The following COL27A1 variants were observed in gnomAD, a reference collection of about 807,000 sequenced individuals.
COL27A1 encodes the protein collagen type XXVII alpha 1 chain.
A neutral mutation model predicts 251.3 loss-of-function variants in COL27A1; 106 were observed. The ratio of observed to expected loss-of-function variants is 0.42; its 90% CI spans 0.36 to 0.50. The LOEUF (loss-of-function observed/expected upper bound fraction) is 0.50. Ranked by LOEUF, COL27A1 falls within the 20% of genes least tolerant of loss-of-function variation. The pLI is 0.00. For missense variants in COL27A1, 2,325 were observed against 2,522.8 expected (o/e 0.92, Z 1.68); for synonymous variants, 1,000 against 986.3 (o/e 1.01, Z -0.26).
rs1001830014 is a variant in COL27A1, at chr9:114,290,421, T to A, written c.4368+90T>A. The A allele has an allele frequency of 9.5e-6, 11 of 1,162,922 alleles. No individual in the cohort carries two copies. The highest frequency in any genetic ancestry group is 1.3e-5 in the Non-Finnish European group (10 of 798,706). 72.0% of individuals were successfully genotyped at this position (1,162,922 alleles called of 1,614,324 possible). On this transcript the variant is annotated intron_variant, in intron 47 of 60. Coordinates refer to ENST00000356083, the MANE Select transcript of COL27A1 (RefSeq NM_032888.4). This position sits in a 1 kb window ranked among gnomAD's most constrained non-coding sequence, Gnocchi z 4.6. ...CAGGCCATGGGCCAGAGGAGCCCGT[T>A]TGGAAACTTGGATGGGCAGAACCAA...
chr9:114,184,926 C>G (rs1828221121), intron 5 of COL27A1, among the ~76,000 whole-genome samples: 1 of 152,138 alleles, frequency 6.6e-6, no homozygotes, highest in African/African-American at 2.4e-5. Context: ...CAGGCTTGCC[C>G]CTTCCTGGCC....
chr9:114,229,582 T>C (rs4979358), intron 14 of COL27A1, among the ~76,000 whole-genome samples: 96,754 of 152,080 alleles, frequency 0.64, 33,102 homozygotes, highest in South Asian at 0.84. Flanking sequence ...CAGGGGCCTC[T>C]GTAGAGCCTG....
At chr9:114,269,730 C>G (rs933804726) in intron 35 of COL27A1, among the ~76,000 whole-genome samples, 1 of 151,646 alleles carries the variant, frequency 6.6e-6, no homozygotes, top group African/African-American at 2.4e-5. Context: ...GCACTTTTCT[C>G]GAGGCACAAG....
intron 3 of COL27A1, among the ~76,000 whole-genome samples, chr9:114,176,961 C>T (rs1827506906): frequency 6.6e-6 from 1 of 152,226 alleles, no homozygotes; most frequent in Admixed American, 6.5e-5. Flanking sequence ...CCGATTTTAA[C>T]TCTGGGCAGG....
chr9:114,238,153 T>C (rs1367669387), intron 19 of COL27A1, among the ~76,000 whole-genome samples: 1 of 152,168 alleles, frequency 6.6e-6, no homozygotes, highest in Non-Finnish European at 1.5e-5. Context: ...AAATGCAAAA[T>C]TCGGGCTTTT....
intron 32 of COL27A1, 38 bp from the exon 33 acceptor site, chr9:114,266,527 A>C: frequency 6.3e-7 from 1 of 1,593,708 alleles, no homozygotes; most frequent in Non-Finnish European, 8.6e-7. Context: ...GCCCAGGCTG[A>C]CCTCTCCCAA....
At chr9:114,236,875 C>A in intron 17 of COL27A1, 106 bp from the exon 18 acceptor site, 1 of 1,004,622 alleles carries the variant, frequency 1.0e-6, no homozygotes, top group Non-Finnish European at 1.5e-6. Flanking sequence ...CATCTTCCTC[C>A]AAGGCGGGCG....
chr9:114,285,616 C>T (rs1281555320), intron 41 of COL27A1, among the ~76,000 whole-genome samples: 7 of 152,192 alleles, frequency 4.6e-5, no homozygotes, highest in Non-Finnish European at 7.3e-5. Context: ...CACGCTGGCC[C>T]GGCGTGCTGC....
intron 1 of COL27A1, among the ~76,000 whole-genome samples, chr9:114,161,363 G>C (rs762523609): frequency 6.6e-6 from 1 of 152,076 alleles, no homozygotes; most frequent in South Asian, 2.1e-4. Flanking sequence ...AAATTCTCGG[G>C]ATCAACTTAG....
intron 40 of COL27A1, among the ~76,000 whole-genome samples, chr9:114,284,210 C>A (rs1353318752): frequency 6.6e-6 from 1 of 152,184 alleles, no homozygotes; most frequent in African/African-American, 2.4e-5. Flanking sequence ...ATGCACGAGG[C>A]CTGACCACTT....
In COL27A1 at chr9:114,203,158, CCTT is replaced by C. The variant is rs1300255391; in HGVS notation, c.2125-1943_2125-1941del. On this transcript the variant is annotated intron_variant, in intron 7 of 60. Transcript: ENST00000356083. Reference sequence around the variant, plus strand: ...TTTTGTTTGCTTTGTTTTTATACCTCCTTAATTAGAATGTAAACTCCTTTAGGG... The same window carrying C: ...TTTTGTTTGCTTTGTTTTTATACCTCAATTAGAATGTAAACTCCTTTAGGG... Among the ~76,000 whole-genome samples the C allele has an allele frequency of 5.3e-5, 8 of 152,240 alleles. No homozygotes were observed. The East Asian group carries it at 1.5e-3, about 29-fold the overall frequency.
chr9:114,221,987 G>C (rs574991693), intron 13 of COL27A1, among the ~76,000 whole-genome samples: 4 of 152,244 alleles, frequency 2.6e-5, no homozygotes, highest in Non-Finnish European at 5.9e-5. Context: ...GAAGATACTG[G>C]ATTTGGAAGT....
In COL27A1 at chr9:114,169,319, G is replaced by A. The variant is rs762087400; in HGVS notation, c.1764G>A (p.Pro588=). The part of the protein sequence containing the change: ...RQPQPSQQTT[P]ALVLAPAQFL... ...CCCAGCCCAGTCAGCAGACCACCCC[G>A]GCCCTGGTATTGGCCCCGGCGCAAT... Residue 588 remains proline (P), a synonymous_variant, in exon 3 of 61, where the codon CCG becomes CCA. Coordinates refer to ENST00000356083, the MANE Select transcript of COL27A1 (RefSeq NM_032888.4). The A allele has an allele frequency of 2.5e-6, 4 of 1,612,424 alleles. No homozygotes were observed. The highest frequency in any genetic ancestry group is 1.3e-5 in the African/African-American group (1 of 74,884).
At chr9:114,212,584 G>C (rs1455896143) in intron 12 of COL27A1, among the ~76,000 whole-genome samples, 1 of 152,236 alleles carries the variant, frequency 6.6e-6, no homozygotes, top group Non-Finnish European at 1.5e-5. Flanking sequence ...GAATAAGTTA[G>C]TCCAGAAAGT....
At chr9:114,200,930 C>T (rs1037444815) in intron 7 of COL27A1, among the ~76,000 whole-genome samples, 3 of 151,886 alleles carry the variant, frequency 2.0e-5, no homozygotes, top group African/African-American at 7.3e-5. Flanking sequence ...GGTGGAGCCT[C>T]GGTGGACAGC....
Position 114,176,891 on chromosome 9 carries a change from G to A in COL27A1, c.1909-1400G>A, listed in dbSNP as rs371189554. 1.2e-4 allele frequency among the ~76,000 whole-genome samples: 19 copies of A among 152,304 alleles called. No individual in the cohort carries two copies. In the East Asian group the frequency reaches 2.9e-3, roughly 23 times the overall value. On this transcript the variant is annotated intron_variant, in intron 3 of 60. Transcript: ENST00000356083. ...TGTTCACAGGCCAGAACTGTGAGCCGAGACTGCCCAGCATGAGATCTGGAT... is the reference window on the plus strand; with the variant it reads ...TGTTCACAGGCCAGAACTGTGAGCCAAGACTGCCCAGCATGAGATCTGGAT...
In COL27A1 at chr9:114,240,202, C is replaced by T. The variant is rs775858139; in HGVS notation, c.2728-18C>T. On this transcript the variant is annotated intron_variant, in intron 19 of 60. Coordinates refer to ENST00000356083, the MANE Select transcript of COL27A1 (RefSeq NM_032888.4). ...TTCACAGCCCCCGTGGGTGACCCTG[C>T]TCTCTGCTTCCCCTCAGGGATTCCC... is the stretch of plus-strand genomic sequence containing the variant. 3.7e-6 allele frequency: 6 copies of T among 1,611,958 alleles called. No individual in the cohort carries two copies. The East Asian group carries it at 1.3e-4, about 36-fold the overall frequency.
In COL27A1 at chr9:114,302,163, G is replaced by A. The variant is rs200119017; in HGVS notation, c.4872+55G>A. The A allele has an allele frequency of 1.8e-5, 27 of 1,473,230 alleles. No homozygotes were observed. The Admixed American group carries it at 4.2e-4, about 23-fold the overall frequency. The allele number at this position is 1,473,230 out of a possible 1,614,324, so 91.3% of individuals were successfully genotyped here. The stretch of plus-strand genomic sequence containing the variant: ...TTGGGGTAAGGCCTGAGGGGTTTGG[G>A]GGAAGAGGCTGCTGGCCCTCTCTGG... On this transcript the variant is annotated intron_variant, in intron 56 of 60. Transcript: ENST00000356083.
intron 27 of COL27A1, among the ~76,000 whole-genome samples, chr9:114,256,718 T>C (rs1417094647): frequency 6.6e-6 from 1 of 152,214 alleles, no homozygotes; most frequent in East Asian, 1.9e-4. Context: ...TCTATCCCCA[T>C]GTTATAGATG....
Sources: gnomAD v4.1 joint callset for allele counts (sites outside exome capture counted in the v4.1 genomes callset) on GRCh38, gnomAD v4.1.1 for gene constraint, Gnocchi (gnomAD v3.1) non-coding constraint, MANE v1.5 for transcripts, NCBI Gene and HGNC (gene_info 2026-07-23, HGNC 2026-07-21) for gene names.